Variants in GRM1 observed in about 807,000 individuals in gnomAD.
GRM1 encodes the protein glutamate metabotropic receptor 1.
A neutral mutation model predicts 90.9 loss-of-function variants in GRM1; 33 were observed. The observed-to-expected ratio is 0.36, with a 90% CI of 0.28 to 0.49. The LOEUF (loss-of-function observed/expected upper bound fraction) is 0.49, where lower values mean the gene tolerates loss of function less well. Ranked by LOEUF, GRM1 falls within the 20% of genes least tolerant of loss-of-function variation. The pLI is 0.99. For missense variants in GRM1, 1,190 were observed against 1,534.3 expected (o/e 0.78, Z 3.75); for synonymous variants, 700 against 613.2 (o/e 1.14, Z -2.09).
upstream of GRM1, among the ~76,000 whole-genome samples, chr6:146,028,024 GC>G (rs1380475769): frequency 6.6e-6 from 1 of 151,974 alleles, no homozygotes; most frequent in African/African-American, 2.4e-5. Flanking sequence ...TGCTCTCCTC[GC>G]CCGCTCCCAT....
chr6:146,388,205 C>T (rs1022687082), intron 6 of GRM1, among the ~76,000 whole-genome samples: 2 of 151,972 alleles, frequency 1.3e-5, no homozygotes, highest in African/African-American at 4.8e-5. Context: ...AATAATCTAG[C>T]CCCTCGTCTT....
Position 146,093,029 on chromosome 6 carries a change from C to A in GRM1, c.700+62812C>A, listed in dbSNP as rs1033765587. Among the ~76,000 whole-genome samples the A allele has an allele frequency of 1.8e-4, 27 of 152,048 alleles. 1 individual carries two copies. The highest frequency in any genetic ancestry group is 3.2e-4 in the Non-Finnish European group (22 of 67,982). ...ATGGGGTGAGCAGGACTAGAATTTT[C>A]CACCACATTATTCGTCTTAGGTATT... On this transcript the variant is annotated intron_variant, in intron 1 of 7. Coordinates refer to ENST00000282753, the MANE Select transcript of GRM1 (RefSeq NM_001278064.2).
chr6:146,400,182 G>A (rs362938), intron 7 of GRM1, among the ~76,000 whole-genome samples: 5,282 of 152,258 alleles, frequency 0.035, 317 homozygotes, highest in African/African-American at 0.12. Context: ...GGAAAACTTA[G>A]CACCTGGAGA....
chr6:146,377,187 G>A (rs938208875), intron 5 of GRM1, among the ~76,000 whole-genome samples: 4 of 152,054 alleles, frequency 2.6e-5, no homozygotes, highest in Non-Finnish European at 5.9e-5. Context: ...TACTGGGAGT[G>A]GGGGACTGCT....
In GRM1 at chr6:146,434,331, C is replaced by A. The variant is rs1161810686; in HGVS notation, c.3120C>A (p.Asn1040Lys). 1 of 1,612,114 alleles carries A rather than the reference C, an allele frequency of 6.2e-7. No individual in the cohort carries two copies. The highest frequency in any genetic ancestry group is 1.7e-5 in the Admixed American group (1 of 59,954). The stretch of plus-strand genomic sequence containing the variant: ...ACCAGCTCCAGGGAGTGGTCAGCAA[C>A]TTCAGTACCGCGATCCCGGATTTTC... ...LMDQLQGVVS[N>K]FSTAIPDFHA... is the part of the protein sequence containing the mutation. Residue 1040 changes from asparagine to lysine, a missense_variant, in exon 8 of 8, where the codon AAC (asparagine) becomes AAA (lysine). Physicochemically the swap from Asn to Lys is moderately conservative, Grantham distance 94. This residue lies in a region of GRM1 where 400 missense variants were observed against 360.8 expected (regional missense o/e 1.11). Transcript: ENST00000282753.
chr6:146,030,300 TG>T (rs752531915), intron 1 of GRM1, 83 bp downstream of exon 1: 21 of 1,000,272 alleles, frequency 2.1e-5, no homozygotes, highest in Non-Finnish European at 3.0e-5. Context: ...GTATTGTTCC[TG>T]TTTATTTCTA....
At position 146,038,190 on chromosome 6, in the gene GRM1, A is replaced by G. The variant is rs542663901; in HGVS notation, c.700+7973A>G. 1.3e-4 allele frequency among the ~76,000 whole-genome samples: 20 copies of G among 152,052 alleles called. No homozygotes were observed. In the South Asian group the frequency reaches 4.1e-3, roughly 32 times the overall value. ...AAGAAGAAAGGATGCCTTCTCTATG[A>G]GGGTTGTGGTTAACAGTGGGAGATG... On this transcript the variant is annotated intron_variant, in intron 1 of 7. Coordinates refer to ENST00000282753, the MANE Select transcript of GRM1 (RefSeq NM_001278064.2).
intron 6 of GRM1, among the ~76,000 whole-genome samples, chr6:146,393,471 T>C (rs1427262730): frequency 1.3e-5 from 2 of 152,112 alleles, no homozygotes; most frequent in East Asian, 3.9e-4. Flanking sequence ...TCTCCCATCC[T>C]ATAGGTTGCC....
chr6:146,355,584 C>T (rs1029608954), intron 4 of GRM1, among the ~76,000 whole-genome samples: 3 of 152,126 alleles, frequency 2.0e-5, no homozygotes, highest in African/African-American at 7.2e-5. Context: ...CCATTAGCTA[C>T]CCTGTGGGTG....
intron 1 of GRM1, among the ~76,000 whole-genome samples, chr6:146,120,664 T>C (rs1775948207): frequency 6.6e-6 from 1 of 152,248 alleles, no homozygotes. Flanking sequence ...TTGAATTTTG[T>C]CAAAGGCCTT....
At chr6:146,243,562 G>A (rs1191582765) in intron 2 of GRM1, among the ~76,000 whole-genome samples, 1 of 152,020 alleles carries the variant, frequency 6.6e-6, no homozygotes, top group Non-Finnish European at 1.5e-5. Context: ...CAAAGGGGAG[G>A]GAGTGTACGA....
At chr6:146,271,923 A>G (rs1255510039) in intron 2 of GRM1, among the ~76,000 whole-genome samples, 1 of 152,190 alleles carries the variant, frequency 6.6e-6, no homozygotes, top group African/African-American at 2.4e-5. Flanking sequence ...AACACTTTGC[A>G]GCTTTTATCA....
At chr6:146,205,786 C>T (rs1452965473) in intron 2 of GRM1, among the ~76,000 whole-genome samples, 1 of 152,210 alleles carries the variant, frequency 6.6e-6, no homozygotes, top group Non-Finnish European at 1.5e-5. Context: ...GAGCACTTTG[C>T]ATTGTAAGCA....
At chr6:146,247,150 G>A (rs1344602890) in intron 2 of GRM1, among the ~76,000 whole-genome samples, 1 of 152,158 alleles carries the variant, frequency 6.6e-6, no homozygotes, top group Non-Finnish European at 1.5e-5. Flanking sequence ...GCCCTCAGTA[G>A]GCAGCCGTGT....
intron 1 of GRM1, among the ~76,000 whole-genome samples, chr6:146,080,496 G>T (rs1314269459): frequency 2.0e-5 from 3 of 152,116 alleles, no homozygotes; most frequent in Non-Finnish European, 4.4e-5. Flanking sequence ...TACTAGAAAA[G>T]GTCCTTAACT....
chr6:146,382,461 G>T (rs1343866779), intron 5 of GRM1, among the ~76,000 whole-genome samples: 1 of 151,944 alleles, frequency 6.6e-6, no homozygotes, highest in African/African-American at 2.4e-5. Context: ...ATAAAATAAT[G>T]CTTTGAAAGA....
In GRM1 at chr6:146,399,579, G is replaced by T; in HGVS notation, c.2540G>T (p.Arg847Leu). 2 of 1,613,954 alleles carry T rather than the reference G, an allele frequency of 1.2e-6. No homozygotes were observed. The highest frequency in any genetic ancestry group is 1.7e-6 in the Non-Finnish European group (2 of 1,179,826). Residue 847 changes from arginine to leucine, a missense_variant, in exon 7 of 8, where the codon CGC becomes CTC. Physicochemically the swap from Arg to Leu is moderately radical, Grantham distance 102. Transcript: ENST00000282753. The surrounding 1 kb of genome is among the most constrained non-coding windows in gnomAD (Gnocchi z 5.4). ...ATTGCCAAGCCTGAGAGGAATGTCC[G>T]CAGTGCCTTCACCACCTCTGATGTT... ...IIIAKPERNV[R>L]SAFTTSDVVR...
intron 6 of GRM1, among the ~76,000 whole-genome samples, chr6:146,396,444 A>G (rs1776938670): frequency 6.6e-6 from 1 of 152,164 alleles, no homozygotes; most frequent in Admixed American, 6.5e-5. Flanking sequence ...TGAGTGACCT[A>G]CCACTTTTGG....
At chr6:146,097,589 T>G (rs555470468) in intron 1 of GRM1, among the ~76,000 whole-genome samples, 78 of 152,324 alleles carry the variant, frequency 5.1e-4, no homozygotes, top group African/African-American at 1.7e-3. Flanking sequence ...TATTTCTGTG[T>G]TCTCAAAGTT....
Sources: allele counts gnomAD v4.1 joint callset (sites outside exome capture counted in the v4.1 genomes callset), GRCh38; gene constraint gnomAD v4.1.1; regional missense constraint gnomAD v4.1.1; non-coding constraint Gnocchi (gnomAD v3.1); transcripts MANE v1.5; gene names NCBI Gene and HGNC (gene_info 2026-07-23, HGNC 2026-07-21).